CLIC2: variants seen among roughly 807,000 people sequenced by gnomAD.
CLIC2 encodes chloride intracellular channel protein 2.
A neutral mutation model predicts 14.8 loss-of-function variants in CLIC2; 9 were observed. That is an observed-to-expected ratio of 0.61 (90% CI 0.37 to 1.06). CLIC2 has a LOEUF of 1.06. CLIC2 is among the 50% of genes least tolerant of loss of function. CLIC2 has a pLI of 0.01. For synonymous variants in CLIC2, 61 were observed against 66.3 expected (o/e 0.92, Z 0.39); for missense variants, 148 against 181.4 (o/e 0.82, Z 1.06).
At chrX:155,325,527 A>G (rs2075132954) in intron 1 of CLIC2, among the ~76,000 whole-genome samples, 1 of 108,509 alleles carries the variant, frequency 9.2e-6, no homozygotes, top group Non-Finnish European at 1.9e-5. Context: ...CAAACACCAC[A>G]TGTTCTCACT....
At chrX:155,317,300 T>C (rs1251443626) in intron 1 of CLIC2, among the ~76,000 whole-genome samples, 1 of 111,509 alleles carries the variant, frequency 9.0e-6, no homozygotes, top group Non-Finnish European at 1.9e-5. Flanking sequence ...ATAAATAAAA[T>C]TGATAGACAG....
At chrX:155,331,603 T>C (rs1413624965) in intron 1 of CLIC2, among the ~76,000 whole-genome samples, 1 of 111,588 alleles carries the variant, frequency 9.0e-6, no homozygotes, top group Non-Finnish European at 1.9e-5. Context: ...AGGATGATGC[T>C]ATGAGGTAGG....
At chrX:155,330,642 A>G (rs924133007) in intron 1 of CLIC2, among the ~76,000 whole-genome samples, 4 of 111,559 alleles carry the variant, frequency 3.6e-5, no homozygotes, top group African/African-American at 1.3e-4. Context: ...ACATGTACCT[A>G]TGAAAATAGA....
At chrX:155,326,077 C>G (rs1368144242) in intron 1 of CLIC2, among the ~76,000 whole-genome samples, 1 of 108,455 alleles carries the variant, frequency 9.2e-6, no homozygotes, top group Non-Finnish European at 1.9e-5. Flanking sequence ...GTGTACACTG[C>G]TTGGGTGACG....
At chrX:155,333,352 G>A (rs1557323017) in intron 1 of CLIC2, among the ~76,000 whole-genome samples, 1 of 111,059 alleles carries the variant, frequency 9.0e-6, no homozygotes, top group African/African-American at 3.3e-5. Flanking sequence ...ATAACTAAAA[G>A]TTGTAATGAA....
chrX:155,298,298 T>C (rs1455195912), intron 3 of CLIC2, among the ~76,000 whole-genome samples: 2 of 112,295 alleles, frequency 1.8e-5, no homozygotes, highest in African/African-American at 6.5e-5. Context: ...GCATGCTTCT[T>C]GTTTCTAGAC....
intron 1 of CLIC2, among the ~76,000 whole-genome samples, chrX:155,307,331 C>T (rs1288076057): frequency 9.1e-6 from 1 of 110,460 alleles, no homozygotes; most frequent in Non-Finnish European, 1.9e-5. Flanking sequence ...ACGAAGAGGG[C>T]ATTCTAAACA....
chrX:155,282,000 C>G (rs1352603283), intron 3 of CLIC2, among the ~76,000 whole-genome samples: 1 of 111,175 alleles, frequency 9.0e-6, no homozygotes, highest in Non-Finnish European at 1.9e-5. Flanking sequence ...CACAGCCTAA[C>G]TCATTACAGT....
chrX:155,304,890 TC>T (rs1377337016), intron 1 of CLIC2, among the ~76,000 whole-genome samples: 1 of 98,424 alleles, frequency 1.0e-5, no homozygotes, highest in Non-Finnish European at 2.1e-5. Flanking sequence ...GTTAGGCTGC[TC>T]GGGGGTCAGG....
chrX:155,286,765 G>T (rs5983692), intron 3 of CLIC2, among the ~76,000 whole-genome samples: 2 of 111,842 alleles, frequency 1.8e-5, no homozygotes, highest in Non-Finnish European at 3.8e-5. Flanking sequence ...ATGCTAATTT[G>T]CCCCATGTAT....
intron 1 of CLIC2, among the ~76,000 whole-genome samples, chrX:155,300,199 TAA>T (rs1282413599): frequency 4.9e-4 from 54 of 110,131 alleles, no homozygotes; most frequent in South Asian, 4.8e-3. Flanking sequence ...ACCAACAGTG[TAA>T]AAGTGTTCCT....
chrX:155,331,846 A>G (rs1270294684), intron 1 of CLIC2, among the ~76,000 whole-genome samples: 3 of 111,560 alleles, frequency 2.7e-5, no homozygotes, highest in South Asian at 3.6e-4. Context: ...TATAATAGCT[A>G]TAAGATACTT....
At position 155,299,145 on chromosome X, in the gene CLIC2, C is replaced by A; in HGVS notation, c.58G>T (p.Ala20Ser). 8.4e-7 allele frequency: 1 copy of A among 1,186,018 alleles called. No individual in the cohort carries two copies. Residue 20 changes from alanine to serine, a missense_variant and splice_region_variant, in exon 2 of 6, where the codon GCT (alanine) becomes TCT (serine). By Grantham distance (99) the Ala-to-Ser change is moderately conservative (BLOSUM62 1). Transcript: ENST00000369449. ...VDPEIELFVKAGSDGESIGNC... is the reference protein window; with the variant it reads ...VDPEIELFVKSGSDGESIGNC... ...CCAATACTCTCTCCATCACTTCCAGCCTATTAAGATAAAGAGAGACCTCAG... is the reference window on the plus strand; with the variant it reads ...CCAATACTCTCTCCATCACTTCCAGACTATTAAGATAAAGAGAGACCTCAG...
intron 3 of CLIC2, among the ~76,000 whole-genome samples, chrX:155,286,783 C>A (rs2074944621): frequency 8.9e-6 from 1 of 111,993 alleles, no homozygotes; most frequent in African/African-American, 3.2e-5. Context: ...TATGTCTGTT[C>A]ATCTGTTCAT....
chrX:155,292,814 C>CA lies in CLIC2; in HGVS notation c.293+5970dup, dbSNP rs1248450045. 63 of 676,967 alleles carry CA rather than the reference C, an allele frequency of 9.3e-5. 1 individual carries two copies. The African/African-American group carries it at 1.1e-3, about 12-fold the overall frequency. 55.8% of individuals were successfully genotyped at this position (676,967 alleles called of 1,213,427 possible). ...ACAAACAAACAAATAAAAAAGCTGC[C>CA]AAAAAAAGCAGCAACTTAAACCGGG... On this transcript the variant is annotated intron_variant, in intron 3 of 5. Transcript: ENST00000369449.
At chrX:155,283,370 G>C (rs1557316723) in intron 3 of CLIC2, among the ~76,000 whole-genome samples, 2 of 111,514 alleles carry the variant, frequency 1.8e-5, no homozygotes, top group African/African-American at 6.5e-5. Flanking sequence ...TATTATGTCA[G>C]GAATTGTGCT....
chrX:155,321,632 G>A (rs375151340), intron 1 of CLIC2, among the ~76,000 whole-genome samples: 3 of 97,304 alleles, frequency 3.1e-5, no homozygotes, highest in Non-Finnish European at 6.4e-5. Context: ...AAAGACCATC[G>A]ACACTGTGAA....
intron 3 of CLIC2, chrX:155,291,457 G>A: frequency 2.4e-6 from 1 of 420,945 alleles, no homozygotes; most frequent in South Asian, 3.4e-5. Context: ...CATGTCGTCT[G>A]CAAACAGGGA....
chrX:155,314,147 T>C (rs2075086001), intron 1 of CLIC2, among the ~76,000 whole-genome samples: 1 of 111,006 alleles, frequency 9.0e-6, no homozygotes, highest in Non-Finnish European at 1.9e-5. Context: ...GGGAGCTCTA[T>C]GGCTCTGCCC....
Sources: gnomAD v4.1 joint callset for allele counts (sites outside exome capture counted in the v4.1 genomes callset) on GRCh38, gnomAD v4.1.1 for gene constraint, MANE v1.5 for transcripts, NCBI Gene and HGNC (gene_info 2026-07-23, HGNC 2026-07-21) for gene names.